Variants in ADAMTSL1 observed in about 807,000 individuals in gnomAD.
The protein encoded by ADAMTSL1 is ADAMTS like 1.
Under a neutral mutation model 201.8 loss-of-function variants are expected in ADAMTSL1, and 126 were observed. The observed-to-expected ratio is 0.62, with a 90% CI of 0.54 to 0.72. The LOEUF (loss-of-function observed/expected upper bound fraction) is 0.72. ADAMTSL1 is among the 30% of genes least tolerant of loss of function. The pLI, the probability that ADAMTSL1 is intolerant of heterozygous loss-of-function variation, is 0.00. For missense variants in ADAMTSL1, 2,679 were observed against 2,277.8 expected (o/e 1.18, Z -3.59); for synonymous variants, 1,121 against 903.4 (o/e 1.24, Z -4.32).
chr9:18,073,345 C>T (rs367559675), intron 1 of ADAMTSL1, among the ~76,000 whole-genome samples: 1 of 152,156 alleles, frequency 6.6e-6, no homozygotes, highest in East Asian at 1.9e-4. Flanking sequence ...TAGTTTTGTG[C>T]TTTCTACTTG....
At chr9:18,182,426 A>T (rs916600983) in intron 2 of ADAMTSL1, among the ~76,000 whole-genome samples, 3 of 152,232 alleles carry the variant, frequency 2.0e-5, no homozygotes, top group Non-Finnish European at 4.4e-5. Flanking sequence ...TATACAGTTT[A>T]AGAAGGGAAA....
chr9:18,816,166 T>A (rs1232207307), intron 20 of ADAMTSL1, among the ~76,000 whole-genome samples: 2 of 152,256 alleles, frequency 1.3e-5, no homozygotes, highest in African/African-American at 4.8e-5. Context: ...CAGTCTCTGT[T>A]AACCACTATG....
chr9:18,653,802 C>T (rs988137207), intron 7 of ADAMTSL1, among the ~76,000 whole-genome samples: 2 of 152,176 alleles, frequency 1.3e-5, no homozygotes, highest in African/African-American at 4.8e-5. Flanking sequence ...GCATTTCCAA[C>T]TGTTAAAATT....
intron 1 of ADAMTSL1, among the ~76,000 whole-genome samples, chr9:17,933,079 T>C (rs952939714): frequency 2.0e-5 from 3 of 152,124 alleles, no homozygotes; most frequent in African/African-American, 7.2e-5. Context: ...CTGTAATAAA[T>C]TGCCACAAAT....
At chr9:17,980,407 C>G (rs1818639758) in intron 1 of ADAMTSL1, among the ~76,000 whole-genome samples, 2 of 151,760 alleles carry the variant, frequency 1.3e-5, no homozygotes, top group Admixed American at 1.3e-4. Context: ...TTTCTATCTT[C>G]TAATTTACCA....
intron 19 of ADAMTSL1, among the ~76,000 whole-genome samples, chr9:18,779,708 T>C (rs17232165): frequency 0.053 from 8,141 of 152,270 alleles, 306 homozygotes; most frequent in South Asian, 0.12. Context: ...GTTGGAAAGA[T>C]TTCAGTCGAG....
chr9:18,398,793 G>C (rs1178492099), intron 2 of ADAMTSL1, among the ~76,000 whole-genome samples: 6 of 152,144 alleles, frequency 3.9e-5, no homozygotes. Context: ...TACAGTAGGA[G>C]TAAGGAAATC....
At chr9:18,320,354 A>G (rs1834569764) in intron 2 of ADAMTSL1, among the ~76,000 whole-genome samples, 1 of 152,226 alleles carries the variant, frequency 6.6e-6, no homozygotes. Context: ...AAGAAAATGC[A>G]TCAATATCTT....
At chr9:17,938,708 C>G (rs1827112127) in intron 1 of ADAMTSL1, among the ~76,000 whole-genome samples, 1 of 152,116 alleles carries the variant, frequency 6.6e-6, no homozygotes, top group South Asian at 2.1e-4. Context: ...CCGACAAGAT[C>G]CTTCATTGTT....
intron 2 of ADAMTSL1, among the ~76,000 whole-genome samples, chr9:18,234,838 C>T (rs1183048192): frequency 2.0e-5 from 3 of 152,146 alleles, no homozygotes; most frequent in Non-Finnish European, 4.4e-5. Flanking sequence ...TATCCAATAC[C>T]TTGCTGCAAT....
At chr9:18,257,999 T>C (rs1026260569) in intron 2 of ADAMTSL1, among the ~76,000 whole-genome samples, 1 of 152,170 alleles carries the variant, frequency 6.6e-6, no homozygotes, top group Non-Finnish European at 1.5e-5. Flanking sequence ...GGGTACAGAA[T>C]TTCTGTTTGG....
chr9:18,027,296 C>T (rs760049239), intron 1 of ADAMTSL1, among the ~76,000 whole-genome samples: 7 of 151,344 alleles, frequency 4.6e-5, no homozygotes, highest in African/African-American at 7.3e-5. Flanking sequence ...TTTCTCTAGG[C>T]GCAATTTAGA....
intron 13 of ADAMTSL1, among the ~76,000 whole-genome samples, chr9:18,695,572 T>C (rs1831501940): frequency 6.6e-6 from 1 of 152,210 alleles, no homozygotes; most frequent in Non-Finnish European, 1.5e-5. Flanking sequence ...AAATTATCAC[T>C]TTCAAGTTCA....
chr9:18,197,427 T>C (rs1829228305), intron 2 of ADAMTSL1, among the ~76,000 whole-genome samples: 1 of 70,536 alleles, frequency 1.4e-5, no homozygotes, highest in Admixed American at 1.8e-4. Flanking sequence ...AGGTATTTTA[T>C]TCTCTTTGAA....
In ADAMTSL1 at chr9:18,102,228, GT is replaced by G. The variant is rs527349400; in HGVS notation, c.88-61627del. Among the ~76,000 whole-genome samples the G allele has an allele frequency of 4.6e-5, 7 of 151,844 alleles. No individual in the cohort carries two copies. The South Asian group carries it at 1.0e-3, about 23-fold the overall frequency. On this transcript the variant is annotated intron_variant, in intron 1 of 29. Coordinates refer to the ADAMTSL1 transcript ENST00000680146. ...TCAAATTTCTTTGAAGTATTTCATGGTTTTTTTCTGCCATTTATTTCTTTTT... is the reference window on the plus strand; with the variant it reads ...TCAAATTTCTTTGAAGTATTTCATGGTTTTTTCTGCCATTTATTTCTTTTT...
chr9:18,556,796 A>G (rs1472181306), intron 3 of ADAMTSL1, among the ~76,000 whole-genome samples: 1 of 152,040 alleles, frequency 6.6e-6, no homozygotes, highest in Non-Finnish European at 1.5e-5. Flanking sequence ...TAAGCCATTC[A>G]TATGTCACTT....
chr9:18,405,479 A>G (rs1818151892), intron 2 of ADAMTSL1, among the ~76,000 whole-genome samples: 1 of 152,092 alleles, frequency 6.6e-6, no homozygotes, highest in African/African-American at 2.4e-5. Flanking sequence ...AAATCATTCT[A>G]CAGGTTTGGC....
At chr9:18,680,899 T>G in intron 11 of ADAMTSL1, 1 of 229,660 alleles carries the variant, frequency 4.4e-6, no homozygotes, top group Non-Finnish European at 8.7e-6. Context: ...TTATGCTTTG[T>G]ATCCGAAAGG....
At chr9:18,522,046 G>T (rs926716417) in intron 2 of ADAMTSL1, among the ~76,000 whole-genome samples, 1 of 152,152 alleles carries the variant, frequency 6.6e-6, no homozygotes, top group African/African-American at 2.4e-5. Context: ...GGGTCCAGTG[G>T]TTCATATAGT....
Sources: allele counts gnomAD v4.1 joint callset (sites outside exome capture counted in the v4.1 genomes callset), GRCh38; gene constraint gnomAD v4.1.1; transcripts MANE v1.5; gene names NCBI Gene and HGNC (gene_info 2026-07-23, HGNC 2026-07-21).